The following COL21A1 variants were observed in gnomAD, a reference collection of about 807,000 sequenced individuals.
COL21A1 encodes the protein collagen type XXI alpha 1 chain, also known as collagen alpha-1(XXI) chain.
A neutral mutation model predicts 137.9 loss-of-function variants in COL21A1; 149 were observed. The observed-to-expected ratio is 1.08, with a 90% confidence interval of 0.95 to 1.24. The LOEUF is 1.24. Among genes scored for constraint, COL21A1 ranks in the 50% most tolerant of loss-of-function variants. The pLI is 0.00. For synonymous variants in COL21A1, 456 were observed against 391.5 expected (o/e 1.16, Z -1.95); for missense variants, 1,167 against 1,158.4 (o/e 1.01, Z -0.11).
intron 12 of COL21A1, among the ~76,000 whole-genome samples, chr6:56,140,628 A>G (rs1442428580): frequency 6.6e-6 from 1 of 152,190 alleles, no homozygotes; most frequent in African/African-American, 2.4e-5. Flanking sequence ...GTTATAAAGG[A>G]ATAATCAAGG....
chr6:56,082,769 C>T (rs759448261), intron 17 of COL21A1, among the ~76,000 whole-genome samples: 10 of 151,654 alleles, frequency 6.6e-5, no homozygotes, highest in Non-Finnish European at 1.0e-4. Context: ...AGAAAACACA[C>T]TAATAAGTGA....
At position 56,235,446 on chromosome 6, in the gene COL21A1, A is replaced by G. The variant is rs569714769; in HGVS notation, c.-39+11941T>C. On this transcript the variant is annotated intron_variant, in intron 1 of 29. Transcript: ENST00000244728. ...CTCACTTCTGTTTGTGAGCACTTAC[A>G]AAACTTATAAAAGGAATGAGTCACT... 8.1e-4 allele frequency among the ~76,000 whole-genome samples: 123 copies of G among 151,934 alleles called. 1 individual carries two copies. Among genetic ancestry groups the G allele is most frequent in the Non-Finnish European group, 2.8e-4 (19 of 67,896 alleles).
chr6:56,380,316 T>C (rs1562079283), intron 1 of COL21A1, among the ~76,000 whole-genome samples: 1 of 152,200 alleles, frequency 6.6e-6, no homozygotes, highest in Non-Finnish European at 1.5e-5. Context: ...GTGAGCCAAA[T>C]AAACCGCTTT....
At chr6:56,166,789 T>A in intron 7 of COL21A1, 117 bp downstream of exon 7, 1 of 830,862 alleles carries the variant, frequency 1.2e-6, no homozygotes, top group Non-Finnish European at 2.0e-6. Flanking sequence ...CCACTAACAT[T>A]AAAAAATAAA....
chr6:56,349,853 A>G (rs1455875855), intron 1 of COL21A1, among the ~76,000 whole-genome samples: 1 of 152,210 alleles, frequency 6.6e-6, no homozygotes, highest in African/African-American at 2.4e-5. Context: ...GAGTTTTATC[A>G]TAAAGAATCC....
At position 56,283,577 on chromosome 6, in the gene COL21A1, A is replaced by G. The variant is rs534792951; in HGVS notation, c.-38-100921T>C. On this transcript the variant is annotated intron_variant, in intron 1 of 28. Coordinates refer to the COL21A1 transcript ENST00000370819. ...ATGAATATGTACTGTTTTTTAAAGG[A>G]AGACATATACCAAAAGCAAATCATT... Among the ~76,000 whole-genome samples, 298 of 152,276 alleles carry G rather than the reference A, an allele frequency of 2.0e-3. 1 individual carries two copies. Among genetic ancestry groups the G allele is most frequent in the Non-Finnish European group, 3.4e-3 (231 of 68,028 alleles).
At chr6:56,352,214 A>G (rs138268624) in intron 1 of COL21A1, among the ~76,000 whole-genome samples, 2 of 152,284 alleles carry the variant, frequency 1.3e-5, no homozygotes, top group East Asian at 3.9e-4. Flanking sequence ...ACTATGAATT[A>G]TTTTTCCTTT....
intron 1 of COL21A1, among the ~76,000 whole-genome samples, chr6:56,313,842 G>A (rs1453323595): frequency 6.6e-6 from 1 of 152,136 alleles, no homozygotes; most frequent in Non-Finnish European, 1.5e-5. Flanking sequence ...TCAGCCTAGT[G>A]ACCTATTATT....
chr6:56,165,763 A>T lies in COL21A1; in HGVS notation c.1279-941T>A, dbSNP rs141055030. On this transcript the variant is annotated intron_variant, in intron 7 of 29. Coordinates refer to ENST00000244728, the MANE Select transcript of COL21A1 (RefSeq NM_030820.4). ...TTTGATGGGAAAAAAGAAGATGATG[A>T]CAACATAACTACACACATTTTAAAA... 5.5e-3 allele frequency among the ~76,000 whole-genome samples: 833 copies of T among 152,280 alleles called. 5 individuals carry two copies. Among genetic ancestry groups the T allele is most frequent in the Non-Finnish European group, 7.9e-3 (534 of 68,008 alleles).
At chr6:56,079,992 G>GA (rs1243426746) in intron 17 of COL21A1, among the ~76,000 whole-genome samples, 2 of 151,580 alleles carry the variant, frequency 1.3e-5, no homozygotes, top group Non-Finnish European at 3.0e-5. Context: ...GTTAACCAGG[G>GA]AAACTGAAAT....
At chr6:56,181,605 A>G (rs1348263461) in intron 2 of COL21A1, among the ~76,000 whole-genome samples, 1 of 152,142 alleles carries the variant, frequency 6.6e-6, no homozygotes, top group African/African-American at 2.4e-5. Flanking sequence ...CATGTATTTC[A>G]TAACTGTAAA....
chr6:56,074,354 C>A, intron 19 of COL21A1, 69 bp from the exon 20 acceptor site: 1 of 987,166 alleles, frequency 1.0e-6, no homozygotes. Flanking sequence ...AATCAATTTC[C>A]AAGTTACACA....
upstream of COL21A1, among the ~76,000 whole-genome samples, chr6:56,251,716 T>G (rs971700485): frequency 6.6e-6 from 1 of 152,224 alleles, no homozygotes; most frequent in Non-Finnish European, 1.5e-5. Context: ...ACCCAGGACA[T>G]AAATAGCTAA....
At chr6:56,239,794 G>A (rs1342421720) in intron 1 of COL21A1, among the ~76,000 whole-genome samples, 2 of 152,142 alleles carry the variant, frequency 1.3e-5, no homozygotes, top group Non-Finnish European at 2.9e-5. Context: ...ATGCCAATGT[G>A]ATTGTATTAA....
At chr6:56,348,102 C>A (rs1199527098) in intron 1 of COL21A1, among the ~76,000 whole-genome samples, 1 of 152,126 alleles carries the variant, frequency 6.6e-6, no homozygotes, top group Non-Finnish European at 1.5e-5. Context: ...AGAGGGCCCT[C>A]TTCATTCATT....
intron 17 of COL21A1, among the ~76,000 whole-genome samples, chr6:56,099,069 T>C (rs1391456469): frequency 2.0e-5 from 3 of 151,512 alleles, no homozygotes; most frequent in African/African-American, 7.3e-5. Context: ...TTCAATAGTA[T>C]CATGTTCAAC....
At chr6:56,285,932 C>G (rs1763902587) in intron 1 of COL21A1, among the ~76,000 whole-genome samples, 1 of 152,126 alleles carries the variant, frequency 6.6e-6, no homozygotes, top group Non-Finnish European at 1.5e-5. Flanking sequence ...GGAAAGGGAA[C>G]AGTAATGCTG....
chr6:56,260,646 AGG>A (rs1763237381), intron 1 of COL21A1, among the ~76,000 whole-genome samples: 2 of 43,176 alleles, frequency 4.6e-5, no homozygotes, highest in Non-Finnish European at 1.1e-4. Flanking sequence ...GAAGGAAGGA[AGG>A]AAGGAAGGAA....
At chr6:56,235,514 T>TA (rs1781844178) in intron 1 of COL21A1, among the ~76,000 whole-genome samples, 1 of 151,918 alleles carries the variant, frequency 6.6e-6, no homozygotes, top group African/African-American at 2.4e-5. Flanking sequence ...ATAGATCATA[T>TA]AAAACTAACC....
Sources: allele counts gnomAD v4.1 joint callset (sites outside exome capture counted in the v4.1 genomes callset), GRCh38; gene constraint gnomAD v4.1.1; transcripts MANE v1.5; gene names NCBI Gene and HGNC (gene_info 2026-07-23, HGNC 2026-07-21).